WDPCP: variants seen among roughly 807,000 people sequenced by gnomAD.
The protein encoded by WDPCP is WD repeat-containing and planar cell polarity effector protein fritz homolog.
In WDPCP, 71 loss-of-function variants were observed where a neutral mutation model predicts 93.1. The ratio of observed to expected loss-of-function variants is 0.76; its 90% confidence interval spans 0.63 to 0.93. The LOEUF is 0.93. Ranked by LOEUF, WDPCP falls within the 40% of genes least tolerant of loss-of-function variation. WDPCP has a pLI of 0.00. For missense variants in WDPCP, 844 were observed against 887.4 expected (o/e 0.95, Z 0.62); for synonymous variants, 315 against 315.0 (o/e 1.00, Z 0.00).
intron 3 of WDPCP, chr2:63,604,575 T>C (rs1194906013): frequency 7.9e-6 from 6 of 763,710 alleles, no homozygotes; most frequent in South Asian, 1.9e-5. Flanking sequence ...AATATAACTC[T>C]TGTGTTCTCT....
At chr2:63,453,499 C>A (rs1416171314) in intron 6 of WDPCP, among the ~76,000 whole-genome samples, 1 of 152,148 alleles carries the variant, frequency 6.6e-6, no homozygotes, top group East Asian at 1.9e-4. Flanking sequence ...GTTGGTGGGA[C>A]TATAAACTAG....
chr2:63,291,135 T>C (rs1298246702), intron 13 of WDPCP, among the ~76,000 whole-genome samples: 5 of 152,212 alleles, frequency 3.3e-5, no homozygotes, highest in Admixed American at 3.3e-4. Flanking sequence ...ATGTCCAATC[T>C]TCTACTGAGT....
intron 17 of WDPCP, among the ~76,000 whole-genome samples, chr2:63,151,373 C>T (rs577073149): frequency 5.3e-4 from 80 of 152,104 alleles, no homozygotes; most frequent in Non-Finnish European, 9.0e-4. Context: ...TACAGGTACA[C>T]GCCACTGTGC....
chr2:63,548,461 G>GA (rs963072609), intron 1 of WDPCP, among the ~76,000 whole-genome samples: 35 of 147,166 alleles, frequency 2.4e-4, no homozygotes, highest in African/African-American at 4.2e-4. Context: ...ATGGCAATCA[G>GA]AAAAAAAAAA....
At chr2:63,158,276 A>G (rs1672401264) in intron 15 of WDPCP, among the ~76,000 whole-genome samples, 1 of 152,184 alleles carries the variant, frequency 6.6e-6, no homozygotes, top group African/African-American at 2.4e-5. Context: ...TCTGGGTGGA[A>G]TGATTTTCTG....
intron 3 of WDPCP, among the ~76,000 whole-genome samples, chr2:63,596,429 C>G (rs996334874): frequency 6.6e-6 from 1 of 152,210 alleles, no homozygotes; most frequent in African/African-American, 2.4e-5. Flanking sequence ...ACCCACAGCT[C>G]TTTCCAAATC....
At chr2:63,151,165 T>C (rs1045222063) in intron 17 of WDPCP, among the ~76,000 whole-genome samples, 1 of 152,246 alleles carries the variant, frequency 6.6e-6, no homozygotes, top group African/African-American at 2.4e-5. Flanking sequence ...GAATTTCATG[T>C]ACACTTGTTT....
At chr2:63,795,278 A>T (rs895289445) in intron 2 of WDPCP, among the ~76,000 whole-genome samples, 2 of 152,114 alleles carry the variant, frequency 1.3e-5, no homozygotes, top group African/African-American at 4.8e-5. Flanking sequence ...GAGGATGGTC[A>T]CTCTTGTTCT....
At chr2:63,678,994 A>C (rs1042744109) in intron 2 of WDPCP, among the ~76,000 whole-genome samples, 1 of 152,192 alleles carries the variant, frequency 6.6e-6, no homozygotes, top group African/African-American at 2.4e-5. Context: ...GGGTCATTCT[A>C]GGATTTATTT....
intron 17 of WDPCP, among the ~76,000 whole-genome samples, chr2:63,139,261 G>A (rs1670884096): frequency 1.3e-5 from 2 of 152,092 alleles, no homozygotes; most frequent in Non-Finnish European, 2.9e-5. Context: ...TTTTGCAGTT[G>A]TGAATTGCTC....
chr2:63,321,083 C>G (rs542200276), intron 12 of WDPCP, among the ~76,000 whole-genome samples: 1 of 151,718 alleles, frequency 6.6e-6, no homozygotes, highest in Non-Finnish European at 1.5e-5. Flanking sequence ...GATAAAAACA[C>G]CAATTCATCA....
At chr2:63,168,549 C>G (rs1049046523) in intron 15 of WDPCP, 8 of 152,136 alleles carry the variant, frequency 5.3e-5, no homozygotes, top group African/African-American at 1.9e-4. Flanking sequence ...AACTCTTTTA[C>G]TAATATTTTA....
At chr2:63,231,361 A>G (rs533741943) in intron 14 of WDPCP, among the ~76,000 whole-genome samples, 1 of 152,192 alleles carries the variant, frequency 6.6e-6, no homozygotes, top group Non-Finnish European at 1.5e-5. Flanking sequence ...AATAAAGAGT[A>G]TTCAGTTAGG....
chr2:63,440,266 C>T (rs552986934), intron 6 of WDPCP: 1 of 172,390 alleles, frequency 5.8e-6, no homozygotes, highest in Non-Finnish European at 1.3e-5. Flanking sequence ...TTTGAATAGT[C>T]ATTGCTACAC....
intron 12 of WDPCP, chr2:63,369,186 T>C (rs187002882): frequency 3.2e-4 from 93 of 293,788 alleles, no homozygotes; most frequent in South Asian, 2.1e-3. Flanking sequence ...GAAGTGTCTA[T>C]AGCCATCTCC....
chr2:63,616,691 A>T (rs1709676130), intron 3 of WDPCP, among the ~76,000 whole-genome samples: 1 of 152,180 alleles, frequency 6.6e-6, no homozygotes, highest in Non-Finnish European at 1.5e-5. Context: ...TAGAATGCAA[A>T]TAAGTAGCAT....
chr2:63,563,983 C>T (rs1706837222), intron 1 of WDPCP, among the ~76,000 whole-genome samples: 1 of 152,188 alleles, frequency 6.6e-6, no homozygotes, highest in Non-Finnish European at 1.5e-5. Context: ...AAATTGTACA[C>T]TTTAAAAGGG....
chr2:63,626,269 T>C (rs1012432500), intron 3 of WDPCP, among the ~76,000 whole-genome samples: 1 of 152,214 alleles, frequency 6.6e-6, no homozygotes, highest in African/African-American at 2.4e-5. Context: ...ATTCAGGACA[T>C]AGGCATGGGC....
At chr2:63,708,051 C>T (rs1006480970) in intron 2 of WDPCP, among the ~76,000 whole-genome samples, 2 of 152,194 alleles carry the variant, frequency 1.3e-5, no homozygotes, top group Non-Finnish European at 2.9e-5. Flanking sequence ...GGGGGTGCCT[C>T]CCAGTTAGGC....
Sources: allele counts gnomAD v4.1 joint callset (sites outside exome capture counted in the v4.1 genomes callset), GRCh38; gene constraint gnomAD v4.1.1; transcripts MANE v1.5; gene names NCBI Gene and HGNC (gene_info 2026-07-23, HGNC 2026-07-21).